VEGFC: variants seen among roughly 807,000 people sequenced by gnomAD.
VEGFC encodes FLT4 ligand DHM.
VEGFC carries 12 observed loss-of-function variants against 46.1 expected under a neutral mutation model. The ratio of observed to expected loss-of-function variants is 0.26; its 90% CI spans 0.17 to 0.42. VEGFC has a LOEUF of 0.42. VEGFC is among the 10% of genes least tolerant of loss of function. The pLI, the probability that VEGFC is intolerant of heterozygous loss-of-function variation, is 1.00. For synonymous variants in VEGFC, 232 were observed against 195.5 expected (o/e 1.19, Z -1.56); for missense variants, 488 against 529.4 (o/e 0.92, Z 0.77).
intron 1 of VEGFC, among the ~76,000 whole-genome samples, chr4:176,769,385 C>CAA (rs1735686150): frequency 1.3e-5 from 2 of 152,164 alleles, no homozygotes; most frequent in Non-Finnish European, 1.5e-5. Flanking sequence ...TGTGTGTCCT[C>CAA]TTGCGGTCTC....
chr4:176,784,067 T>TTTGTG (rs199956859), intron 1 of VEGFC, among the ~76,000 whole-genome samples: 2 of 141,804 alleles, frequency 1.4e-5, no homozygotes, highest in South Asian at 4.6e-4. Flanking sequence ...CATGCTGTTT[T>TTTGTG]TTTTTTTTTT....
intron 4 of VEGFC, among the ~76,000 whole-genome samples, chr4:176,700,504 A>G (rs779475147): frequency 6.6e-6 from 1 of 152,192 alleles, no homozygotes; most frequent in African/African-American, 2.4e-5. Context: ...AAACTCACCT[A>G]GTCTGAGACT....
chr4:176,785,489 C>A (rs11131759), intron 1 of VEGFC, among the ~76,000 whole-genome samples: 107,716 of 152,156 alleles, frequency 0.71, 44,122 homozygotes, highest in East Asian at 0.99. Context: ...TTTAAAAAAA[C>A]CTTTTATAAG....
chr4:176,741,035 A>AT (rs1160048398), intron 1 of VEGFC, among the ~76,000 whole-genome samples: 1 of 151,982 alleles, frequency 6.6e-6, no homozygotes, highest in African/African-American at 2.4e-5. Flanking sequence ...TTCATCAATT[A>AT]TTTTTATCAA....
intron 1 of VEGFC, among the ~76,000 whole-genome samples, chr4:176,749,250 T>C (rs1735303572): frequency 6.6e-6 from 1 of 151,842 alleles, no homozygotes; most frequent in Non-Finnish European, 1.5e-5. Context: ...CACTGACAAT[T>C]AAAAGCTTGG....
chr4:176,780,954 T>C (rs1042634518), intron 1 of VEGFC, among the ~76,000 whole-genome samples: 3 of 152,232 alleles, frequency 2.0e-5, no homozygotes, highest in African/African-American at 7.2e-5. Flanking sequence ...TGTGCTCTCA[T>C]GGACATGAGC....
Position 176,692,484 on chromosome 4 carries a change from G to A in VEGFC, c.705-4557C>T, listed in dbSNP as rs1413229265. Among the ~76,000 whole-genome samples the A allele has an allele frequency of 3.7e-5, 5 of 134,832 alleles. 1 individual carries two copies. Among genetic ancestry groups the A allele is most frequent in the South Asian group, 2.2e-4 (1 of 4,624 alleles). 88.5% of individuals were successfully genotyped at this position (134,832 alleles called of 152,430 possible). On this transcript the variant is annotated intron_variant, in intron 4 of 6. Coordinates refer to ENST00000618562, the MANE Select transcript of VEGFC (RefSeq NM_005429.5). The stretch of plus-strand genomic sequence containing the variant: ...CCTGGCTCGAGGGTCCTACGCCCAC[G>A]GAGTCTCGCTGATTGCTAGCACAGC...
intron 4 of VEGFC, among the ~76,000 whole-genome samples, chr4:176,700,643 A>G (rs10029166): frequency 0.13 from 19,676 of 152,086 alleles, 1,382 homozygotes; most frequent in Admixed American, 0.18. Context: ...GGAAGCTTGT[A>G]ATTTTCTGCT....
At chr4:176,728,102 G>T in intron 2 of VEGFC, 134 bp from the exon 3 acceptor site, 1 of 603,932 alleles carries the variant, frequency 1.7e-6, no homozygotes, top group Non-Finnish European at 2.7e-6. Flanking sequence ...AGAGACAGCT[G>T]ATGGGATCCT....
chr4:176,739,845 G>A (rs1179234319), intron 1 of VEGFC, among the ~76,000 whole-genome samples: 1 of 150,728 alleles, frequency 6.6e-6, no homozygotes, highest in East Asian at 1.9e-4. Flanking sequence ...GAGAGAGGAA[G>A]GTTTTGAGAT....
At chr4:176,775,630 C>A (rs780387416) in intron 1 of VEGFC, among the ~76,000 whole-genome samples, 1 of 152,098 alleles carries the variant, frequency 6.6e-6, no homozygotes, top group Non-Finnish European at 1.5e-5. Flanking sequence ...AACATTCTTT[C>A]GTAATTTCTA....
Position 176,792,260 on chromosome 4 carries a change from G to C in VEGFC, c.52C>G (p.Leu18Val). The change falls in exon 1 of 7, where the codon CTG becomes GTG. Residue 18 changes from leucine to valine, a missense_variant. Transcript: ENST00000618562. This position sits in a 1 kb window ranked among gnomAD's most constrained non-coding sequence, Gnocchi z 6.3. ...SVACSLLAAA[L>V]LPGPREAPAA... ...GGCGCCTCGCGAGGACCCGGGAGCA[G>C]CGCAGCGGCGAGCAGAGAACACGCC... 6.4e-7 allele frequency: 1 copy of C among 1,557,904 alleles called. No individual in the cohort carries two copies.
intron 1 of VEGFC, among the ~76,000 whole-genome samples, chr4:176,744,341 C>T (rs1735225028): frequency 6.6e-6 from 1 of 151,830 alleles, no homozygotes. Context: ...GCAGCAGGTA[C>T]ACAATTTAAA....
chr4:176,784,118 G>C (rs1735961026), intron 1 of VEGFC, among the ~76,000 whole-genome samples: 3 of 146,554 alleles, frequency 2.0e-5, no homozygotes, highest in South Asian at 4.4e-4. Flanking sequence ...AGGCTGGAGT[G>C]CAGTGGGGTG....
At chr4:176,727,540 T>G (rs1734891914) in intron 3 of VEGFC, among the ~76,000 whole-genome samples, 1 of 152,184 alleles carries the variant, frequency 6.6e-6, no homozygotes, top group African/African-American at 2.4e-5. Flanking sequence ...CATGAGGCTT[T>G]GACTCCACTA....
chr4:176,684,145 T>C, intron 6 of VEGFC, 105 bp from the exon 7 acceptor site: 1 of 846,028 alleles, frequency 1.2e-6, no homozygotes, highest in Admixed American at 2.2e-5. Flanking sequence ...GGAATAAAAT[T>C]ACTAATTTTA....
chr4:176,741,439 T>A (rs1296082242), intron 1 of VEGFC, among the ~76,000 whole-genome samples: 1 of 151,878 alleles, frequency 6.6e-6, no homozygotes, highest in Non-Finnish European at 1.5e-5. Context: ...AGGGGGTTGA[T>A]TTATCTGGTT....
intron 1 of VEGFC, among the ~76,000 whole-genome samples, chr4:176,733,352 C>A (rs2111022349): frequency 6.6e-6 from 1 of 151,972 alleles, no homozygotes; most frequent in East Asian, 1.9e-4. Flanking sequence ...AAACTGAAAA[C>A]ACCCAAATGT....
At chr4:176,736,489 A>G (rs1309884257) in intron 1 of VEGFC, among the ~76,000 whole-genome samples, 1 of 151,638 alleles carries the variant, frequency 6.6e-6, no homozygotes, top group Non-Finnish European at 1.5e-5. Flanking sequence ...AAAATATAAT[A>G]GATGCACCTG....
Sources: allele counts gnomAD v4.1 joint callset (sites outside exome capture counted in the v4.1 genomes callset), GRCh38; gene constraint gnomAD v4.1.1; non-coding constraint Gnocchi (gnomAD v3.1); transcripts MANE v1.5; gene names NCBI Gene and HGNC (gene_info 2026-07-23, HGNC 2026-07-21).